The following PRELID2 variants were observed in gnomAD, a reference collection of about 807,000 sequenced individuals.
PRELID2 encodes the protein PRELI domain-containing protein 2.
Under a neutral mutation model 28.4 loss-of-function variants are expected in PRELID2, and 25 were observed. That is an observed-to-expected ratio of 0.88 (90% CI 0.64 to 1.23). The LOEUF (loss-of-function observed/expected upper bound fraction) is 1.23. PRELID2 is among the 50% of genes most tolerant of loss of function. The pLI, the probability that PRELID2 is intolerant of heterozygous loss-of-function variation, is 0.00. For synonymous variants in PRELID2, 76 were observed against 71.6 expected (o/e 1.06, Z -0.31); for missense variants, 201 against 214.4 (o/e 0.94, Z 0.39).
chr5:145,632,640 T>C (rs138690682), intron 1 of PRELID2, among the ~76,000 whole-genome samples: 39 of 152,328 alleles, frequency 2.6e-4, no homozygotes, highest in African/African-American at 9.4e-4. Flanking sequence ...AAGAATCTGG[T>C]AAGCAGTTGT....
At chr5:145,753,112 G>T (rs1007058568), downstream of PRELID2, among the ~76,000 whole-genome samples, 1 of 152,222 alleles carries the variant, frequency 6.6e-6, no homozygotes, top group Admixed American at 6.5e-5. Flanking sequence ...CCGGCACAAA[G>T]AAGTAATGAT....
chr5:145,600,420 G>GGAA (rs1491541560), intron 1 of PRELID2, among the ~76,000 whole-genome samples: 45 of 124,150 alleles, frequency 3.6e-4, no homozygotes, highest in African/African-American at 1.6e-3. Context: ...CTCAGGGGGG[G>GGAA]AAAAAAAAAA....
chr5:145,796,464 A>C lies in PRELID2; in HGVS notation c.452T>G (p.Phe151Cys). Residue 151 changes from phenylalanine (F) to cysteine (C), a missense_variant, in exon 5 of 7, where the codon TTC (phenylalanine) becomes TGC (cysteine). Transcript: ENST00000683046. ...TACCTTCTGGGCTCCCTGTCGTAAGAATGTGCTGGCAAAAGTTTCTAAAAC... is the reference window on the plus strand; with the variant it reads ...TACCTTCTGGGCTCCCTGTCGTAAGCATGTGCTGGCAAAAGTTTCTAAAAC... ...NCVLETFAST[F>C]LRQGAQKGIR... 1.2e-6 allele frequency: 2 copies of C among 1,610,358 alleles called. No homozygotes were observed. Among genetic ancestry groups the C allele is most frequent in the Non-Finnish European group, 1.7e-6 (2 of 1,177,680 alleles).
At chr5:145,666,877 T>C (rs2149680606) in intron 1 of PRELID2, among the ~76,000 whole-genome samples, 1 of 152,216 alleles carries the variant, frequency 6.6e-6, no homozygotes, top group South Asian at 2.1e-4. Flanking sequence ...TGTTTATTTA[T>C]AGCACACCAA....
chr5:145,655,271 C>G (rs933654341), intron 1 of PRELID2, among the ~76,000 whole-genome samples: 2 of 152,072 alleles, frequency 1.3e-5, no homozygotes, highest in African/African-American at 4.8e-5. Context: ...AATGGAAGAA[C>G]ATTCCATGCT....
intron 1 of PRELID2, among the ~76,000 whole-genome samples, chr5:145,655,356 A>G (rs1754375338): frequency 6.6e-6 from 1 of 152,200 alleles, no homozygotes; most frequent in Non-Finnish European, 1.5e-5. Context: ...TGCCATCCCC[A>G]TCAAGCTACC....
chr5:145,543,219 T>A (rs1426276168), intron 1 of PRELID2, among the ~76,000 whole-genome samples: 1 of 152,130 alleles, frequency 6.6e-6, no homozygotes, highest in Non-Finnish European at 1.5e-5. Context: ...GTACTCTCCA[T>A]GAGGACAAGT....
chr5:145,346,947 A>G, the PRELID2 span, among the ~76,000 whole-genome samples: 1 of 152,176 alleles, frequency 6.6e-6, no homozygotes, highest in African/African-American at 2.4e-5. Flanking sequence ...CTTGATCTGG[A>G]TAAAGAAATA....
At chr5:145,480,682 C>A (rs182354311) in intron 1 of PRELID2, among the ~76,000 whole-genome samples, 55 of 152,266 alleles carry the variant, frequency 3.6e-4, no homozygotes, top group African/African-American at 1.3e-3. Flanking sequence ...AGAACCAAGA[C>A]TCCACCTAAG....
chr5:145,385,174 C>A, the PRELID2 span, among the ~76,000 whole-genome samples: 1 of 152,022 alleles, frequency 6.6e-6, no homozygotes, highest in African/African-American at 2.4e-5. Context: ...AAATGTACTT[C>A]CATAAAAGTA....
chr5:145,796,226 G>T, intron 5 of PRELID2: 3 of 366,602 alleles, frequency 8.2e-6, no homozygotes, highest in East Asian at 4.8e-5. Flanking sequence ...ACTCTTCATT[G>T]GCATATTTTT....
the PRELID2 span, among the ~76,000 whole-genome samples, chr5:145,334,341 T>C: frequency 1.3e-5 from 2 of 152,226 alleles, no homozygotes; most frequent in African/African-American, 2.4e-5. Flanking sequence ...CATAAAAAAC[T>C]CTACACTTTT....
chr5:145,582,784 T>C (rs1315036525), intron 1 of PRELID2, among the ~76,000 whole-genome samples: 1 of 152,060 alleles, frequency 6.6e-6, no homozygotes, highest in African/African-American at 2.4e-5. Flanking sequence ...TAACAAGTTC[T>C]GAAATTAAAG....
At position 145,804,629 on chromosome 5, in the gene PRELID2, T is replaced by G. The variant is rs566024396; in HGVS notation, c.369-8082A>C. 7.9e-5 allele frequency among the ~76,000 whole-genome samples: 12 copies of G among 152,320 alleles called. No homozygotes were observed. The East Asian group carries it at 2.3e-3, about 29-fold the overall frequency. On this transcript the variant is annotated intron_variant, in intron 4 of 6. Coordinates refer to ENST00000683046, the MANE Select transcript of PRELID2 (RefSeq NM_205846.3). The stretch of plus-strand genomic sequence containing the variant: ...CTTTCAGTTAATTCTCACAACAGCC[T>G]TATAAGGTATATAATATTAACCCGA...
chr5:145,549,373 G>A (rs954146652), intron 1 of PRELID2, among the ~76,000 whole-genome samples: 1 of 152,186 alleles, frequency 6.6e-6, no homozygotes, highest in African/African-American at 2.4e-5. Context: ...TAGTGATCCA[G>A]GTAGTATATT....
intron 1 of PRELID2, among the ~76,000 whole-genome samples, chr5:145,692,200 G>A (rs1344085281): frequency 2.0e-5 from 3 of 152,100 alleles, no homozygotes; most frequent in South Asian, 4.1e-4. Flanking sequence ...TTATAACAGT[G>A]CTGAGCACAT....
intron 1 of PRELID2, among the ~76,000 whole-genome samples, chr5:145,661,666 T>TAAAAAAAAAAAAAAAAAA (rs567073073): frequency 5.1e-5 from 5 of 97,178 alleles, no homozygotes; most frequent in South Asian, 3.4e-4. Flanking sequence ...AACAAGCCAT[T>TAAAAAAAAAAAAAAAAAA]AAAAAAAAAA....
At chr5:145,377,734 G>T in the PRELID2 span, among the ~76,000 whole-genome samples, 1 of 152,198 alleles carries the variant, frequency 6.6e-6, no homozygotes, top group East Asian at 1.9e-4. Context: ...TTGAGCCCAT[G>T]TGTGTCATTT....
At chr5:145,685,636 T>C (rs1032572236) in intron 1 of PRELID2, among the ~76,000 whole-genome samples, 14 of 151,770 alleles carry the variant, frequency 9.2e-5, no homozygotes, top group African/African-American at 3.2e-4. Flanking sequence ...TGTCTATGAG[T>C]GTAGAGAGGG....
Sources: gnomAD v4.1 joint callset for allele counts (sites outside exome capture counted in the v4.1 genomes callset) on GRCh38, gnomAD v4.1.1 for gene constraint, MANE v1.5 for transcripts, NCBI Gene and HGNC (gene_info 2026-07-23, HGNC 2026-07-21) for gene names.